CDYL2: variants seen among roughly 807,000 people sequenced by gnomAD.
CDYL2 encodes the protein chromodomain Y-like protein 2.
In CDYL2, 23 loss-of-function variants were observed where a neutral mutation model predicts 49.4. That is an observed-to-expected ratio of 0.47 (90% CI 0.34 to 0.66). The LOEUF (loss-of-function observed/expected upper bound fraction) is 0.66, where lower values mean the gene tolerates loss of function less well. Among genes scored for constraint, CDYL2 ranks in the 30% least tolerant of loss-of-function variants. The pLI, the probability that CDYL2 is intolerant of heterozygous loss-of-function variation, is 0.01. For synonymous variants in CDYL2, 360 were observed against 268.8 expected, an observed-to-expected ratio of 1.34 and a Z score of -3.32; for missense variants, 678 against 656.4, an observed-to-expected ratio of 1.03 and a Z score of -0.36.
At position 80,684,842 on chromosome 16, in the gene CDYL2, A is replaced by T. The variant is rs1438478318; in HGVS notation, c.312T>A (p.His104Gln). ...GGGGAGGGTTAATTCGCTTCCGTTT[A>T]TGGGAGGTCCCCTTGCTCTTTCCAG... is the stretch of plus-strand genomic sequence containing the variant. ...SDPGKSKGTS[H>Q]KRKRINPPLA... The change falls in exon 2 of 7, where the codon CAT becomes CAA. Residue 104 changes from histidine to glutamine, a missense_variant. Coordinates refer to ENST00000570137, the MANE Select transcript of CDYL2 (RefSeq NM_152342.4). 1.2e-6 allele frequency: 2 copies of T among 1,613,980 alleles called. No individual in the cohort carries two copies. The highest frequency in any genetic ancestry group is 1.7e-6 in the Non-Finnish European group (2 of 1,180,012).
At chr16:80,746,166 C>A (rs186256636) in intron 1 of CDYL2, among the ~76,000 whole-genome samples, 3 of 152,102 alleles carry the variant, frequency 2.0e-5, no homozygotes, top group Non-Finnish European at 4.4e-5. Flanking sequence ...GCTGTACCTG[C>A]GTGAAAATAA....
chr16:80,728,147 A>G (rs1218765964), intron 1 of CDYL2, among the ~76,000 whole-genome samples: 1 of 151,826 alleles, frequency 6.6e-6, no homozygotes, highest in East Asian at 1.9e-4. Flanking sequence ...CGATCAAACT[A>G]CAAGCTACAG....
chr16:80,666,139 G>A lies in CDYL2; in HGVS notation c.616+18399C>T, dbSNP rs563442517. Reference sequence around the variant, plus strand: ...TATTCCCGGACTACAGAGGTGAAAAGTGAGGCTCAAAAGCTGGTAAGACCT... The same window carrying A: ...TATTCCCGGACTACAGAGGTGAAAAATGAGGCTCAAAAGCTGGTAAGACCT... On this transcript the variant is annotated intron_variant, in intron 2 of 6. Transcript: ENST00000570137. Among the ~76,000 whole-genome samples, 3 of 152,306 alleles carry A rather than the reference G, an allele frequency of 2.0e-5. No individual in the cohort carries two copies. In the East Asian group the frequency reaches 5.8e-4, roughly 29 times the overall value.
intron 2 of CDYL2, among the ~76,000 whole-genome samples, chr16:80,665,645 T>A (rs1172038252): frequency 6.6e-6 from 1 of 152,046 alleles, no homozygotes; most frequent in African/African-American, 2.4e-5. Context: ...AGACCCTCTT[T>A]CTGCAAGGGT....
At chr16:80,724,488 T>C (rs987347447) in intron 1 of CDYL2, among the ~76,000 whole-genome samples, 1 of 152,160 alleles carries the variant, frequency 6.6e-6, no homozygotes, top group Non-Finnish European at 1.5e-5. Context: ...AGCATGAAGA[T>C]CCTGACTCCT....
chr16:80,654,835 T>C (rs1908736236), intron 2 of CDYL2, among the ~76,000 whole-genome samples: 1 of 152,236 alleles, frequency 6.6e-6, no homozygotes, highest in Admixed American at 6.5e-5. Context: ...ATGCAGCTCC[T>C]GACACCAGGT....
intron 3 of CDYL2, among the ~76,000 whole-genome samples, chr16:80,626,324 T>TA (rs200224980): frequency 0.023 from 2,733 of 120,706 alleles, 108 homozygotes; most frequent in African/African-American, 0.08. Flanking sequence ...GTGTTGTTAA[T>TA]AAAAAAAAAC....
At chr16:80,776,967 G>A (rs1056755003) in intron 1 of CDYL2, among the ~76,000 whole-genome samples, 11 of 151,658 alleles carry the variant, frequency 7.3e-5, no homozygotes, top group African/African-American at 1.7e-4. Context: ...ACAGGCGCAC[G>A]CTGCCACGCC....
chr16:80,687,489 G>T (rs1910245048), intron 1 of CDYL2, among the ~76,000 whole-genome samples: 1 of 151,922 alleles, frequency 6.6e-6, no homozygotes, highest in African/African-American at 2.4e-5. Context: ...TGGCTGGATA[G>T]ATGGATAGAT....
At chr16:80,772,749 C>T (rs1184231757) in intron 1 of CDYL2, among the ~76,000 whole-genome samples, 6 of 152,056 alleles carry the variant, frequency 3.9e-5, no homozygotes, top group African/African-American at 1.4e-4. Context: ...CCACGCCTGG[C>T]CCAAAATGCC....
intron 1 of CDYL2, among the ~76,000 whole-genome samples, chr16:80,690,555 G>C (rs1160924315): frequency 6.6e-6 from 1 of 152,144 alleles, no homozygotes; most frequent in Non-Finnish European, 1.5e-5. Context: ...TATGGACTTT[G>C]GTAAGCACAG....
At chr16:80,687,131 G>A (rs1419176515) in intron 1 of CDYL2, among the ~76,000 whole-genome samples, 1 of 152,224 alleles carries the variant, frequency 6.6e-6, no homozygotes, top group Non-Finnish European at 1.5e-5. Context: ...CAGGTTTACT[G>A]AGGGAGGAAA....
chr16:80,778,727 T>G (rs2142402604), intron 1 of CDYL2, among the ~76,000 whole-genome samples: 1 of 152,016 alleles, frequency 6.6e-6, no homozygotes, highest in Middle Eastern at 3.4e-3. Flanking sequence ...AACAAAAAAT[T>G]TTGGAAAGAA....
chr16:80,789,331 G>A (rs1228863913), intron 1 of CDYL2, among the ~76,000 whole-genome samples: 3 of 152,100 alleles, frequency 2.0e-5, no homozygotes, highest in African/African-American at 4.8e-5. Flanking sequence ...GGCCAGGTGC[G>A]GTGGCTCACG....
intron 1 of CDYL2, among the ~76,000 whole-genome samples, chr16:80,758,780 G>T (rs1189211901): frequency 1.3e-5 from 2 of 151,504 alleles, no homozygotes; most frequent in East Asian, 1.9e-4. Context: ...CTGACCTCCT[G>T]ATCCGCCCGC....
Position 80,709,177 on chromosome 16 carries a change from A to G in CDYL2, c.25-24048T>C, listed in dbSNP as rs117409859. On this transcript the variant is annotated intron_variant, in intron 1 of 6. Transcript: ENST00000570137. ...GGTGGGCAGATCACGAAGTCAACAGATCAAGACCACCCTGGCCAACATGGC... is the reference window on the plus strand; with the variant it reads ...GGTGGGCAGATCACGAAGTCAACAGGTCAAGACCACCCTGGCCAACATGGC... 4.7e-3 allele frequency among the ~76,000 whole-genome samples: 717 copies of G among 152,242 alleles called. 3 individuals carry two copies. The highest frequency in any genetic ancestry group is 7.4e-3 in the Non-Finnish European group (501 of 68,012).
intron 2 of CDYL2, among the ~76,000 whole-genome samples, chr16:80,680,207 C>A (rs1446574751): frequency 6.6e-6 from 1 of 152,094 alleles, no homozygotes; most frequent in Non-Finnish European, 1.5e-5. Flanking sequence ...TGTGGAATGA[C>A]TCGTTCAATG....
In CDYL2 at chr16:80,753,802, C is replaced by G. The variant is rs898205206; in HGVS notation, c.24+50348G>C. Among the ~76,000 whole-genome samples, 6 of 152,142 alleles carry G rather than the reference C, an allele frequency of 3.9e-5. No homozygotes were observed. In the South Asian group the frequency reaches 1.2e-3, roughly 32 times the overall value. On this transcript the variant is annotated intron_variant, in intron 1 of 6. Coordinates refer to ENST00000570137, the MANE Select transcript of CDYL2 (RefSeq NM_152342.4). ...GATAAACTAGACTCCATTAAAATGACGAATGTCTGCTTATCGAAAGACACA... is the reference window on the plus strand; with the variant it reads ...GATAAACTAGACTCCATTAAAATGAGGAATGTCTGCTTATCGAAAGACACA...
chr16:80,733,354 C>T (rs1311784936), intron 1 of CDYL2, among the ~76,000 whole-genome samples: 1 of 152,216 alleles, frequency 6.6e-6, no homozygotes, highest in Non-Finnish European at 1.5e-5. Flanking sequence ...TTTTATATAT[C>T]TTGTAGAAGC....
Sources: gnomAD v4.1 joint callset for allele counts (sites outside exome capture counted in the v4.1 genomes callset) on GRCh38, gnomAD v4.1.1 for gene constraint, MANE v1.5 for transcripts, NCBI Gene and HGNC (gene_info 2026-07-23, HGNC 2026-07-21) for gene names.